RPS6KC1: variants seen among roughly 807,000 people sequenced by gnomAD.
The protein encoded by RPS6KC1 is ribosomal protein S6 kinase C1.
In RPS6KC1, 54 loss-of-function variants were observed where a neutral mutation model predicts 103.8. The observed-to-expected ratio is 0.52, with a 90% CI of 0.42 to 0.65. The LOEUF (loss-of-function observed/expected upper bound fraction) is 0.65, where lower values mean the gene tolerates loss of function less well. Ranked by LOEUF, RPS6KC1 falls within the 30% of genes least tolerant of loss-of-function variation. The probability of loss-of-function intolerance (pLI) is 0.00; values close to 1 mark genes in which losing one functional copy is unlikely to be tolerated. For synonymous variants in RPS6KC1, 439 were observed against 438.7 expected (o/e 1.00, Z -0.01); for missense variants, 1,151 against 1,253.8 (o/e 0.92, Z 1.24).
chr1:213,463,712 G>A, the RPS6KC1 span, among the ~76,000 whole-genome samples: 1 of 152,110 alleles, frequency 6.6e-6, no homozygotes, highest in East Asian at 1.9e-4. Flanking sequence ...TTTATGCTGA[G>A]TTTTTGGGGC....
At chr1:213,784,351 G>GT in the RPS6KC1 span, among the ~76,000 whole-genome samples, 1 of 152,186 alleles carries the variant, frequency 6.6e-6, no homozygotes, top group East Asian at 1.9e-4. Flanking sequence ...CACACATGAA[G>GT]TTGGTCAAAG....
chr1:213,473,729 CT>C, the RPS6KC1 span, among the ~76,000 whole-genome samples: 1 of 152,206 alleles, frequency 6.6e-6, no homozygotes, highest in Non-Finnish European at 1.5e-5. Context: ...GTGAATACTA[CT>C]TAGGACTTTC....
intron 8 of RPS6KC1, among the ~76,000 whole-genome samples, chr1:213,227,140 A>G (rs760832007): frequency 8.5e-5 from 13 of 152,226 alleles, no homozygotes; most frequent in Non-Finnish European, 1.5e-4. Context: ...ACATGATTTA[A>G]TTCCTTAAAG....
chr1:213,395,239 G>A, the RPS6KC1 span, among the ~76,000 whole-genome samples: 1 of 152,152 alleles, frequency 6.6e-6, no homozygotes, highest in Admixed American at 6.5e-5. Context: ...TCTTGGGCAA[G>A]GTATTAAATA....
chr1:213,431,066 A>G, the RPS6KC1 span, among the ~76,000 whole-genome samples: 1 of 152,198 alleles, frequency 6.6e-6, no homozygotes, highest in East Asian at 1.9e-4. Context: ...AATTAGGTGT[A>G]AAGCCAGGAA....
At chr1:213,146,984 A>G (rs957090619) in intron 6 of RPS6KC1, among the ~76,000 whole-genome samples, 2 of 152,006 alleles carry the variant, frequency 1.3e-5, no homozygotes, top group African/African-American at 4.8e-5. Context: ...TTTGTTTGCC[A>G]TGTGTATGTC....
At chr1:213,386,499 T>A in the RPS6KC1 span, among the ~76,000 whole-genome samples, 1 of 152,112 alleles carries the variant, frequency 6.6e-6, no homozygotes, top group Admixed American at 6.5e-5. Flanking sequence ...CATATTACTG[T>A]TCTTGTTGCT....
chr1:213,124,333 G>T (rs544094183), intron 5 of RPS6KC1, among the ~76,000 whole-genome samples: 1 of 152,266 alleles, frequency 6.6e-6, no homozygotes, highest in South Asian at 2.1e-4. Context: ...CTTCAGGTTG[G>T]TTTAACTTTT....
At chr1:213,605,789 G>A in the RPS6KC1 span, among the ~76,000 whole-genome samples, 1 of 152,212 alleles carries the variant, frequency 6.6e-6, no homozygotes, top group Admixed American at 6.5e-5. Flanking sequence ...TTTGGTGAGA[G>A]CAAGGACGAC....
intron 4 of RPS6KC1, among the ~76,000 whole-genome samples, chr1:213,116,072 C>G (rs986669632): frequency 4.0e-5 from 6 of 151,878 alleles, no homozygotes; most frequent in Non-Finnish European, 8.8e-5. Flanking sequence ...ATTAGGTCCG[C>G]TTGGTGCAGA....
chr1:213,066,571 G>A (rs1321356071), intron 1 of RPS6KC1, among the ~76,000 whole-genome samples: 3 of 152,194 alleles, frequency 2.0e-5, no homozygotes, highest in African/African-American at 4.8e-5. Flanking sequence ...CAGGGGTTCC[G>A]TCTAGGTCCT....
chr1:213,639,448 C>A, the RPS6KC1 span, among the ~76,000 whole-genome samples: 1 of 151,988 alleles, frequency 6.6e-6, no homozygotes, highest in African/African-American at 2.4e-5. Context: ...GAGAGAAAGC[C>A]TTTTGGTGGC....
At chr1:213,354,734 C>A in the RPS6KC1 span, among the ~76,000 whole-genome samples, 1 of 152,174 alleles carries the variant, frequency 6.6e-6, no homozygotes, top group South Asian at 2.1e-4. Context: ...AGTCCCACTC[C>A]TATGATAATC....
the RPS6KC1 span, among the ~76,000 whole-genome samples, chr1:213,797,422 G>A: frequency 0.17 from 25,216 of 152,088 alleles, 3,497 homozygotes; most frequent in African/African-American, 0.38. Context: ...TGCCTATTGT[G>A]TTGCACCAGA....
chr1:213,639,397 T>G, the RPS6KC1 span, among the ~76,000 whole-genome samples: 1 of 152,106 alleles, frequency 6.6e-6, no homozygotes, highest in Non-Finnish European at 1.5e-5. Flanking sequence ...GTATTGAGAA[T>G]GGATCTCCTA....
At chr1:213,153,516 G>A (rs920798518) in intron 6 of RPS6KC1, among the ~76,000 whole-genome samples, 1 of 152,104 alleles carries the variant, frequency 6.6e-6, no homozygotes, top group Non-Finnish European at 1.5e-5. Flanking sequence ...ACATTTTGTT[G>A]TTTCTGTCTT....
chr1:213,209,922 T>C (rs1336730256), intron 8 of RPS6KC1, among the ~76,000 whole-genome samples: 1 of 152,192 alleles, frequency 6.6e-6, no homozygotes, highest in African/African-American at 2.4e-5. Flanking sequence ...GGCATTGCCA[T>C]GGCATTTGTA....
the RPS6KC1 span, among the ~76,000 whole-genome samples, chr1:213,373,483 G>T: frequency 6.6e-6 from 1 of 151,738 alleles, no homozygotes; most frequent in Non-Finnish European, 1.5e-5. Flanking sequence ...ACTACTTTTG[G>T]GTTTCTTTTA....
At chr1:213,131,968 CA>C (rs1390820586) in intron 6 of RPS6KC1, among the ~76,000 whole-genome samples, 17 of 152,264 alleles carry the variant, frequency 1.1e-4, no homozygotes, top group African/African-American at 3.6e-4. Flanking sequence ...GTCAGTGTGA[CA>C]TTTTTTAAGT....
Sources: allele counts gnomAD v4.1 joint callset (sites outside exome capture counted in the v4.1 genomes callset), GRCh38; gene constraint gnomAD v4.1.1; transcripts MANE v1.5; gene names NCBI Gene and HGNC (gene_info 2026-07-23, HGNC 2026-07-21).